RIMS2: variants seen among roughly 807,000 people sequenced by gnomAD.
RIMS2 encodes regulating synaptic membrane exocytosis 2.
RIMS2 carries 59 observed loss-of-function variants against 174.4 expected under a neutral mutation model. The ratio of observed to expected loss-of-function variants is 0.34; its 90% CI spans 0.27 to 0.42. RIMS2 has a LOEUF of 0.42. Among genes scored for constraint, RIMS2 ranks in the 10% least tolerant of loss-of-function variants. RIMS2 has a pLI of 1.00. For synonymous variants in RIMS2, 606 were observed against 572.5 expected (o/e 1.06, Z -0.84); for missense variants, 1,620 against 1,666.3 (o/e 0.97, Z 0.48).
At chr8:103,958,948 G>A (rs1333688396) in intron 14 of RIMS2, among the ~76,000 whole-genome samples, 2 of 152,128 alleles carry the variant, frequency 1.3e-5, no homozygotes, top group East Asian at 1.9e-4. Context: ...GGATAGACTG[G>A]TTAGGAAAAA....
intron 4 of RIMS2, among the ~76,000 whole-genome samples, chr8:103,905,206 C>A (rs566661401): frequency 6.6e-6 from 1 of 152,114 alleles, no homozygotes; most frequent in South Asian, 2.1e-4. Context: ...CTTCTTGATA[C>A]TTTCAGATTC....
intron 1 of RIMS2, among the ~76,000 whole-genome samples, chr8:103,553,488 C>G (rs1849003572): frequency 6.6e-6 from 1 of 151,972 alleles, no homozygotes; most frequent in Non-Finnish European, 1.5e-5. Flanking sequence ...AGGAGATATA[C>G]CTAATGTAAA....
intron 19 of RIMS2, among the ~76,000 whole-genome samples, chr8:104,133,769 A>G (rs1179901559): frequency 1.3e-5 from 2 of 152,186 alleles, no homozygotes; most frequent in Non-Finnish European, 2.9e-5. Flanking sequence ...GTGATAGATT[A>G]GGTATGGGGA....
At chr8:104,179,583 T>G (rs1295526063) in intron 19 of RIMS2, among the ~76,000 whole-genome samples, 5 of 151,942 alleles carry the variant, frequency 3.3e-5, no homozygotes, top group Non-Finnish European at 5.9e-5. Flanking sequence ...ACATAATATC[T>G]ATTTTGTGCT....
intron 1 of RIMS2, among the ~76,000 whole-genome samples, chr8:103,579,143 C>A (rs2093442863): frequency 1.3e-5 from 2 of 152,010 alleles, no homozygotes; most frequent in African/African-American, 2.4e-5. Flanking sequence ...TGGTATGTGC[C>A]TGTAATCCCA....
In RIMS2 at chr8:104,155,938, A is replaced by G. The variant is rs143286335; in HGVS notation, c.3335-88978A>G. On this transcript the variant is annotated intron_variant, in intron 19 of 23. Coordinates refer to ENST00000504942, the Ensembl canonical transcript of RIMS2. ...AAAAAGATGAATAACATATGGATTT[A>G]CATCTACTATTATTAACAAGAAACC... 2.0e-3 allele frequency among the ~76,000 whole-genome samples: 299 copies of G among 152,324 alleles called. 1 individual carries two copies. Among genetic ancestry groups the G allele is most frequent in the African/African-American group, 6.6e-3 (275 of 41,582 alleles).
chr8:104,163,008 C>A (rs72685022), intron 19 of RIMS2, among the ~76,000 whole-genome samples: 34,119 of 151,934 alleles, frequency 0.22, 4,560 homozygotes, highest in Non-Finnish European at 0.31. Context: ...GACACAGTTG[C>A]AGTTATTTGA....
intron 9 of RIMS2, among the ~76,000 whole-genome samples, chr8:103,920,396 C>T (rs535086202): frequency 6.4e-4 from 97 of 152,114 alleles, no homozygotes; most frequent in African/African-American, 2.2e-3. Context: ...AAAACAACAA[C>T]GACAACAACA....
intron 1 of RIMS2, chr8:103,568,581 T>C (rs1222491444): frequency 7.8e-6 from 4 of 515,226 alleles, no homozygotes; most frequent in South Asian, 5.2e-5. Context: ...TGGGTACTAC[T>C]TCTTGTCTTC....
intron 19 of RIMS2, among the ~76,000 whole-genome samples, chr8:104,162,263 G>A (rs2098767415): frequency 3.3e-5 from 5 of 152,112 alleles, no homozygotes; most frequent in Admixed American, 3.3e-4. Flanking sequence ...CATCCTGTAT[G>A]CTTCCTGGGA....
At chr8:103,883,917 C>T (rs2099184557) in intron 3 of RIMS2, among the ~76,000 whole-genome samples, 1 of 151,784 alleles carries the variant, frequency 6.6e-6, no homozygotes, top group African/African-American at 2.4e-5. Flanking sequence ...TTCTAGTGTC[C>T]ATTTTGAGAA....
At chr8:104,214,015 G>A (rs1033566034) in intron 19 of RIMS2, among the ~76,000 whole-genome samples, 2 of 152,162 alleles carry the variant, frequency 1.3e-5, no homozygotes, top group African/African-American at 4.8e-5. Context: ...CTTTGCAAAT[G>A]TCTTTTCATA....
intron 19 of RIMS2, among the ~76,000 whole-genome samples, chr8:104,234,119 C>T (rs1289052646): frequency 6.6e-6 from 1 of 152,114 alleles, no homozygotes; most frequent in East Asian, 1.9e-4. Flanking sequence ...ATTTATTAAA[C>T]ACCACTACGT....
At chr8:104,171,153 T>G (rs565855660) in intron 19 of RIMS2, among the ~76,000 whole-genome samples, 5 of 152,278 alleles carry the variant, frequency 3.3e-5, no homozygotes, top group African/African-American at 1.2e-4. Context: ...TCCCAGAAGT[T>G]CTTGGAGCTT....
intron 1 of RIMS2, among the ~76,000 whole-genome samples, chr8:103,507,254 T>C (rs903043081): frequency 6.6e-6 from 1 of 152,102 alleles, no homozygotes; most frequent in African/African-American, 2.4e-5. Flanking sequence ...ATGTAGATTC[T>C]CTCCATTATT....
chr8:103,561,623 C>CA (rs1284205180), intron 1 of RIMS2, among the ~76,000 whole-genome samples: 1 of 152,032 alleles, frequency 6.6e-6, no homozygotes. Flanking sequence ...AGCAACAAAA[C>CA]AAAAAAGTGT....
At chr8:103,970,685 A>G (rs950648163) in intron 15 of RIMS2, among the ~76,000 whole-genome samples, 3 of 152,112 alleles carry the variant, frequency 2.0e-5, no homozygotes, top group Admixed American at 6.6e-5. Flanking sequence ...TATCTTCTCC[A>G]TAAGCTGTGA....
intron 3 of RIMS2, among the ~76,000 whole-genome samples, chr8:103,864,278 T>G (rs1463741393): frequency 2.0e-5 from 3 of 152,168 alleles, no homozygotes; most frequent in African/African-American, 2.4e-5. Flanking sequence ...GTTGTTAGTT[T>G]GAGATCTTTC....
At position 104,191,738 on chromosome 8, in the gene RIMS2, G is replaced by A. The variant is rs141093621; in HGVS notation, c.3335-53178G>A. On this transcript the variant is annotated intron_variant, in intron 19 of 23. Coordinates refer to ENST00000504942, the Ensembl canonical transcript of RIMS2. ...ATTTGTTAGTGTAGAGCTGATCAGC[G>A]TAGCCCCAGAGCAAAATTCTTTTAT... Among the ~76,000 whole-genome samples, 53 of 151,746 alleles carry A rather than the reference G, an allele frequency of 3.5e-4. No individual in the cohort carries two copies. The East Asian group carries it at 6.8e-3, about 19-fold the overall frequency.
Sources: allele counts gnomAD v4.1 joint callset (sites outside exome capture counted in the v4.1 genomes callset), GRCh38; gene constraint gnomAD v4.1.1; transcripts MANE v1.5; gene names NCBI Gene and HGNC (gene_info 2026-07-23, HGNC 2026-07-21).